The following SQLE variants were observed in gnomAD, a reference collection of about 807,000 sequenced individuals.
SQLE encodes squalene monooxygenase.
In SQLE, 29 loss-of-function variants were observed where a neutral mutation model predicts 60.7. That is an observed-to-expected ratio of 0.48 (90% CI 0.36 to 0.65). SQLE has a LOEUF of 0.65. Ranked by LOEUF, SQLE falls within the 30% of genes least tolerant of loss-of-function variation. The pLI is 0.00. For missense variants in SQLE, 605 were observed against 684.1 expected, an observed-to-expected ratio of 0.88 and a Z score of 1.29; for synonymous variants, 237 against 246.8, an observed-to-expected ratio of 0.96 and a Z score of 0.37.
chr8:124,998,592 C>T lies in SQLE; in HGVS notation c.-812C>T, dbSNP rs762588821. Reference sequence around the variant, plus strand: ...CGCCGCGCTGGCGAGAGCCGCCGCCCGCGAGGGATGCTGGTGAGGAAGCCG... The same window carrying T: ...CGCCGCGCTGGCGAGAGCCGCCGCCTGCGAGGGATGCTGGTGAGGAAGCCG... On this transcript the variant is annotated 5_prime_UTR_variant, in exon 1 of 11. Coordinates refer to ENST00000265896, the MANE Select transcript of SQLE (RefSeq NM_003129.4). 4.4e-6 allele frequency: 3 copies of T among 685,652 alleles called. No individual in the cohort carries two copies. The highest frequency in any genetic ancestry group is 2.1e-5 in the Admixed American group (1 of 48,430). The allele number at this position is 685,652 out of a possible 1,614,324, so 42.5% of individuals were successfully genotyped here.
rs565364189 is a variant in SQLE, at chr8:125,020,217, T to C, written c.1445-567T>C. Among the ~76,000 whole-genome samples the C allele has an allele frequency of 1.1e-4, 16 of 152,314 alleles. No individual in the cohort carries two copies. In the South Asian group the frequency reaches 3.3e-3, roughly 32 times the overall value. The stretch of plus-strand genomic sequence containing the variant: ...GTTGCATCCTTTACTTTTTAAAATC[T>C]GTTGTAAAGAAAAATCTGGGCATAC... On this transcript the variant is annotated intron_variant, in intron 9 of 10. Transcript: ENST00000265896.
intron 3 of SQLE, among the ~76,000 whole-genome samples, chr8:125,006,774 G>A (rs1251327602): frequency 1.3e-5 from 2 of 149,354 alleles, no homozygotes; most frequent in Admixed American, 6.7e-5. Flanking sequence ...TTGCAATCTC[G>A]GCTCACTGCA....
At chr8:125,010,775 C>CTT (rs368685184) in intron 6 of SQLE, among the ~76,000 whole-genome samples, 2 of 147,916 alleles carry the variant, frequency 1.4e-5, no homozygotes, top group Admixed American at 6.8e-5. Flanking sequence ...GGTGGTTTTT[C>CTT]TTTTTTTTTT....
intron 4 of SQLE, among the ~76,000 whole-genome samples, chr8:125,007,833 G>C (rs1388087039): frequency 2.0e-5 from 3 of 152,178 alleles, no homozygotes; most frequent in Non-Finnish European, 4.4e-5. Context: ...ATATGCAACA[G>C]GATGGGTTTC....
intron 7 of SQLE, among the ~76,000 whole-genome samples, chr8:125,015,861 C>A (rs1248308528): frequency 2.6e-5 from 4 of 152,122 alleles, no homozygotes; most frequent in Non-Finnish European, 5.9e-5. Flanking sequence ...AGGATATTTT[C>A]ACTGGATATA....
At position 124,998,548 on chromosome 8, in the gene SQLE, A is replaced by G. The variant is rs920591926; in HGVS notation, c.-856A>G. 3.4e-5 allele frequency: 23 copies of G among 677,122 alleles called. No homozygotes were observed. Among genetic ancestry groups the G allele is most frequent in the Middle Eastern group, 3.1e-4 (1 of 3,244 alleles). The allele number at this position is 677,122 out of a possible 1,614,324, so 41.9% of individuals were successfully genotyped here. On this transcript the variant is annotated 5_prime_UTR_variant, in exon 1 of 11. Coordinates refer to ENST00000265896, the MANE Select transcript of SQLE (RefSeq NM_003129.4). Reference sequence around the variant, plus strand: ...CGGCGAGTGGGGGCGTGCGACGGTTACTCTGGTTACTGGGGCCGCGCCGCG... The same window carrying G: ...CGGCGAGTGGGGGCGTGCGACGGTTGCTCTGGTTACTGGGGCCGCGCCGCG...
chr8:125,015,131 C>T (rs1815091579), intron 7 of SQLE, among the ~76,000 whole-genome samples: 1 of 152,112 alleles, frequency 6.6e-6, no homozygotes, highest in Non-Finnish European at 1.5e-5. Context: ...GCTGAATTGA[C>T]CCCTTTATCA....
chr8:125,013,488 G>C (rs1445617570), intron 7 of SQLE, among the ~76,000 whole-genome samples: 1 of 151,866 alleles, frequency 6.6e-6, no homozygotes, highest in Non-Finnish European at 1.5e-5. Flanking sequence ...GAGTAGCTGG[G>C]ATTATAGGTG....
chr8:125,021,695 C>A lies in SQLE; in HGVS notation c.1533-58C>A, dbSNP rs192333229. ...CTTCGTAGATTATATGTAATTGGAACCTTTGGAGTAAATTTTAGTTTCTGA... is the reference window on the plus strand; with the variant it reads ...CTTCGTAGATTATATGTAATTGGAAACTTTGGAGTAAATTTTAGTTTCTGA... On this transcript the variant is annotated intron_variant, in intron 10 of 10. Transcript: ENST00000265896. 395 of 1,265,788 alleles carry A rather than the reference C, an allele frequency of 3.1e-4. 3 individuals carry two copies. In the African/African-American group the frequency reaches 4.9e-3, roughly 16 times the overall value. 78.4% of individuals were successfully genotyped at this position (1,265,788 alleles called of 1,614,324 possible).
intron 7 of SQLE, among the ~76,000 whole-genome samples, chr8:125,013,457 A>G (rs890056599): frequency 1.3e-5 from 2 of 150,830 alleles, no homozygotes; most frequent in African/African-American, 4.9e-5. Flanking sequence ...GGTTCAAGCA[A>G]TTCTCCTGCC....
chr8:124,999,939 T>C lies in SQLE; in HGVS notation c.291+245T>C, dbSNP rs575526643. Reference sequence around the variant, plus strand: ...CAGATGGAGGTTGGATATTTGATTATGAAAGATGGAACGAAATGTTAGAAT... The same window carrying C: ...CAGATGGAGGTTGGATATTTGATTACGAAAGATGGAACGAAATGTTAGAAT... On this transcript the variant is annotated intron_variant, in intron 1 of 10. Coordinates refer to ENST00000265896, the MANE Select transcript of SQLE (RefSeq NM_003129.4). The C allele has an allele frequency of 5.9e-6, 4 of 673,794 alleles. No individual in the cohort carries two copies. In the South Asian group the frequency reaches 6.0e-5, roughly 10 times the overall value. The allele number at this position is 673,794 out of a possible 1,614,324, so 41.7% of individuals were successfully genotyped here. A position where few individuals can be genotyped will look rare whatever the true frequency, so the allele number is the denominator to read the frequency against.
rs1285517303 is a variant in SQLE, at chr8:125,010,132, G to C, written c.1108+789G>C. On this transcript the variant is annotated intron_variant, in intron 6 of 10. Coordinates refer to ENST00000265896, the MANE Select transcript of SQLE (RefSeq NM_003129.4). Reference sequence around the variant, plus strand: ...TAGCTCCTCCAAGTATAAACTATTAGTAATGGCAGAACCAGGGTTGATATC... The same window carrying C: ...TAGCTCCTCCAAGTATAAACTATTACTAATGGCAGAACCAGGGTTGATATC... 2.0e-5 allele frequency among the ~76,000 whole-genome samples: 3 copies of C among 152,290 alleles called. No individual in the cohort carries two copies. The East Asian group carries it at 5.8e-4, about 29-fold the overall frequency.
Position 125,009,281 on chromosome 8 carries a change from G to T in SQLE, c.1046G>T (p.Arg349Ile). The part of the protein sequence containing the change: ...SSETRVLVDI[R>I]GEMPRNLREY... ...GAAACTCGAGTACTTGTTGACATTA[G>T]AGGAGAAATGCCAAGGAATTTAAGA... Residue 349 changes from arginine (R) to isoleucine (I), a missense_variant, in exon 6 of 11, where the codon AGA becomes ATA. Coordinates refer to ENST00000265896, the MANE Select transcript of SQLE (RefSeq NM_003129.4). The T allele has an allele frequency of 3.7e-6, 6 of 1,613,790 alleles. No homozygotes were observed. The highest frequency in any genetic ancestry group is 8.5e-7 in the Non-Finnish European group (1 of 1,179,862).
At position 125,009,359 on chromosome 8, in the gene SQLE, T is replaced by C. The variant is rs374356163; in HGVS notation, c.1108+16T>C. The stretch of plus-strand genomic sequence containing the variant: ...CAAATACCTGGTAAGAAATAGCATC[T>C]TCAGTTCTTACAAAGGCTGTGTCTA... On this transcript the variant is annotated intron_variant, in intron 6 of 10. Transcript: ENST00000265896. The C allele has an allele frequency of 3.1e-6, 5 of 1,601,018 alleles. No homozygotes were observed. In the African/African-American group the frequency reaches 6.7e-5, roughly 21 times the overall value.
intron 7 of SQLE, among the ~76,000 whole-genome samples, chr8:125,013,753 G>A (rs570426337): frequency 4.6e-5 from 7 of 152,214 alleles, no homozygotes; most frequent in African/African-American, 1.4e-4. Context: ...TGAGAGGAAG[G>A]GGTCCAGCTT....
At chr8:125,004,839 T>C (rs1384945711) in intron 2 of SQLE, among the ~76,000 whole-genome samples, 1 of 152,138 alleles carries the variant, frequency 6.6e-6, no homozygotes, top group Non-Finnish European at 1.5e-5. Context: ...ATATTTTCTA[T>C]TGAAAGTTTT....
rs1402014423 is a variant in SQLE at position 125,006,980 on chromosome 8, G to C, written c.726-411G>C. Among the ~76,000 whole-genome samples, 7 of 152,154 alleles carry C rather than the reference G, an allele frequency of 4.6e-5. No homozygotes were observed. In the East Asian group the frequency reaches 1.4e-3, roughly 29 times the overall value. On this transcript the variant is annotated intron_variant, in intron 3 of 10. Transcript: ENST00000265896. ...GGCCTCCCAAAGTTCTGGGATTACAGGTGTGAGCCACCGTGCCCTGCCAGA... is the reference window on the plus strand; with the variant it reads ...GGCCTCCCAAAGTTCTGGGATTACACGTGTGAGCCACCGTGCCCTGCCAGA...
chr8:125,002,801 T>G (rs1814877185), intron 1 of SQLE, among the ~76,000 whole-genome samples: 1 of 152,220 alleles, frequency 6.6e-6, no homozygotes, highest in East Asian at 1.9e-4. Flanking sequence ...CAGGATATAT[T>G]TGAAGAATTT....
At chr8:125,014,682 A>G (rs1396482920) in intron 7 of SQLE, among the ~76,000 whole-genome samples, 1 of 152,186 alleles carries the variant, frequency 6.6e-6, no homozygotes, top group African/African-American at 2.4e-5. Context: ...ATTCAAGAGC[A>G]TGTGGTTTAA....
Sources: gnomAD v4.1 joint callset for allele counts (sites outside exome capture counted in the v4.1 genomes callset) on GRCh38, gnomAD v4.1.1 for gene constraint, MANE v1.5 for transcripts, NCBI Gene and HGNC (gene_info 2026-07-23, HGNC 2026-07-21) for gene names.